Variants in ANKLE2 observed in about 807,000 individuals in gnomAD.
ANKLE2 encodes ankyrin repeat and LEM domain-containing protein 2.
Under a neutral mutation model 84.2 loss-of-function variants are expected in ANKLE2, and 55 were observed. The ratio of observed to expected loss-of-function variants is 0.65; its 90% CI spans 0.53 to 0.82. The LOEUF is 0.82. ANKLE2 is among the 40% of genes least tolerant of loss of function. The pLI is 0.00. For missense variants in ANKLE2, 1,238 were observed against 1,201.9 expected (o/e 1.03, Z -0.44); for synonymous variants, 551 against 486.1 (o/e 1.13, Z -1.76).
chr12:132,740,425 C>G (rs556205117), intron 7 of ANKLE2, among the ~76,000 whole-genome samples: 6 of 152,118 alleles, frequency 3.9e-5, no homozygotes, highest in Admixed American at 1.3e-4. Context: ...TGGGAAAGAA[C>G]CCGGACAGTG....
chr12:132,734,906 A>G (rs901659028), intron 9 of ANKLE2: 1 of 323,938 alleles, frequency 3.1e-6, no homozygotes, highest in Admixed American at 4.8e-5. Flanking sequence ...ATCACGGAAC[A>G]GCCCTGTGAA....
At chr12:132,760,510 G>C (rs2044603991) in intron 1 of ANKLE2, 1 of 152,268 alleles carries the variant, frequency 6.6e-6, no homozygotes, top group African/African-American at 2.4e-5. Flanking sequence ...ACCTGCGCTT[G>C]GGACCGACGG....
Position 132,755,421 on chromosome 12 carries a change from T to C in ANKLE2, c.182-288A>G, listed in dbSNP as rs189733711. ...TTAGCCGGGTGTGGTGGCGGATGCC[T>C]GTAATCCCAGCTACTTGGGAGGCTG... On this transcript the variant is annotated intron_variant, in intron 1 of 12. Coordinates refer to ENST00000357997, the MANE Select transcript of ANKLE2 (RefSeq NM_015114.3). 5.7e-5 allele frequency: 15 copies of C among 262,588 alleles called. No homozygotes were observed. In the East Asian group the frequency reaches 7.6e-4, roughly 13 times the overall value. The allele number at this position is 262,588 out of a possible 1,614,324, so 16.3% of individuals were successfully genotyped here.
chr12:132,743,349 A>ACTCC lies in ANKLE2; in HGVS notation c.1231-74_1231-73insGGAG. On this transcript the variant is annotated intron_variant, in intron 5 of 12. Transcript: ENST00000357997. The surrounding 1 kb of genome is among the most constrained non-coding windows in gnomAD (Gnocchi z 4.1). ...AGGTTGCTCTAAGGTGAAAATACAT[A>ACTCC]TTCATTCATTCATTCATTCATTTAT... 1 of 1,400,090 alleles carries ACTCC rather than the reference A, an allele frequency of 7.1e-7. No individual in the cohort carries two copies. Among genetic ancestry groups the ACTCC allele is most frequent in the South Asian group, 1.5e-5 (1 of 65,172 alleles). The allele number at this position is 1,400,090 out of a possible 1,614,324, so 86.7% of individuals were successfully genotyped here. A position where few individuals can be genotyped will look rare whatever the true frequency, so the allele number is the denominator to read the frequency against.
chr12:132,736,759 T>G, intron 8 of ANKLE2, 134 bp downstream of exon 8: 96 of 1,048,376 alleles, frequency 9.2e-5, no homozygotes, highest in Non-Finnish European at 1.1e-4. Context: ...GTGGATGGTT[T>G]GAGATGAGGA....
At chr12:132,757,960 G>C (rs1469356259) in intron 1 of ANKLE2, 1 of 150,724 alleles carries the variant, frequency 6.6e-6, no homozygotes, top group Non-Finnish European at 1.5e-5. Flanking sequence ...CTCCAACCTG[G>C]GCAACAGAGC....
At chr12:132,736,131 T>G (rs1038954831) in intron 8 of ANKLE2, among the ~76,000 whole-genome samples, 1 of 152,178 alleles carries the variant, frequency 6.6e-6, no homozygotes, top group Non-Finnish European at 1.5e-5. Flanking sequence ...TTTTGTATTT[T>G]TAGTAGAGAC....
chr12:132,754,406 C>G (rs969410875), intron 2 of ANKLE2, among the ~76,000 whole-genome samples: 2 of 152,330 alleles, frequency 1.3e-5, no homozygotes, highest in South Asian at 4.1e-4. Context: ...TCCTAACCAA[C>G]AGCAGCAGCC....
rs944377387 is a variant in ANKLE2 at position 132,733,983 on chromosome 12, A to G, written c.1891+402T>C. The G allele has an allele frequency of 1.2e-4, 53 of 459,164 alleles. No homozygotes were observed. The Admixed American group carries it at 1.2e-3, about 11-fold the overall frequency. The allele number at this position is 459,164 out of a possible 1,614,324, so 28.4% of individuals were successfully genotyped here. A position where few individuals can be genotyped will look rare whatever the true frequency, so the allele number is the denominator to read the frequency against. ...ATGTACCCTCCCCGACACACAACCC[A>G]TTTAACATTAACCTTCCCAGCACTC... On this transcript the variant is annotated intron_variant, in intron 10 of 12. Coordinates refer to ENST00000357997, the MANE Select transcript of ANKLE2 (RefSeq NM_015114.3).
intron 9 of ANKLE2, 137 bp downstream of exon 9, chr12:132,735,269 C>A: frequency 3.8e-6 from 3 of 791,898 alleles, no homozygotes; most frequent in Admixed American, 2.1e-5. Flanking sequence ...AGGAATTAGA[C>A]CTTCACGAAA....
At chr12:132,754,612 G>A (rs972609773) in intron 2 of ANKLE2, 63 bp downstream of exon 2, 29 of 1,462,526 alleles carry the variant, frequency 2.0e-5, no homozygotes, top group Middle Eastern at 2.5e-4. Context: ...ATTTTCAGAC[G>A]TCATCCCGCC....
intron 3 of ANKLE2, 50 bp from the exon 4 acceptor site, chr12:132,748,381 C>T (rs1365757794): frequency 1.2e-6 from 2 of 1,604,210 alleles, no homozygotes; most frequent in Non-Finnish European, 1.7e-6. Context: ...CCAAAAGTCA[C>T]TCATCACCCA....
In ANKLE2 at chr12:132,750,850, C is replaced by T. The variant is rs1566033191; in HGVS notation, c.641-1G>A. On this transcript the variant is annotated splice_acceptor_variant, in intron 2 of 12. Coordinates refer to ENST00000357997, the MANE Select transcript of ANKLE2 (RefSeq NM_015114.3). LOFTEE classifies it high-confidence loss of function. Reference sequence around the variant, plus strand: ...TTATTTTCATAAACATAGATCCTTTCTGGGTAAGAAAAGTAACAAATGAAA... The same window carrying T: ...TTATTTTCATAAACATAGATCCTTTTTGGGTAAGAAAAGTAACAAATGAAA... 6.2e-7 allele frequency: 1 copy of T among 1,613,326 alleles called. No individual in the cohort carries two copies. Among genetic ancestry groups the T allele is most frequent in the East Asian group, 2.2e-5 (1 of 44,872 alleles).
At position 132,728,021 on chromosome 12, in the gene ANKLE2, GC is replaced by G. The variant is rs755360431; in HGVS notation, c.2615+10del. On this transcript the variant is annotated intron_variant, in intron 12 of 12. Coordinates refer to ENST00000357997, the MANE Select transcript of ANKLE2 (RefSeq NM_015114.3). ...GCCCTGCGGGTGACAGGCTGTCCGG[GC>G]CCCACATACCTCTGTCTGTCCGAGG... The G allele has an allele frequency of 1.1e-5, 18 of 1,587,822 alleles. No homozygotes were observed. Among genetic ancestry groups the G allele is most frequent in the South Asian group, 1.0e-4 (9 of 87,940 alleles).
At chr12:132,751,136 A>G (rs951360661) in intron 2 of ANKLE2, 13 of 262,286 alleles carry the variant, frequency 5.0e-5, no homozygotes, top group Non-Finnish European at 8.4e-5. Flanking sequence ...AAAGATCTAA[A>G]TAAAAATTAT....
intron 9 of ANKLE2, 42 bp downstream of exon 9, chr12:132,735,364 C>T: frequency 6.4e-7 from 1 of 1,563,650 alleles, no homozygotes. Flanking sequence ...AAAATGCAAC[C>T]AACTGTGTGC....
At chr12:132,734,844 C>T (rs936633310) in intron 9 of ANKLE2, 8 of 441,158 alleles carry the variant, frequency 1.8e-5, no homozygotes, top group South Asian at 8.1e-5. Flanking sequence ...CAGACCCTCA[C>T]GCCAGCAACC....
chr12:132,744,472 G>A (rs74987482), intron 5 of ANKLE2, among the ~76,000 whole-genome samples: 8,611 of 151,962 alleles, frequency 0.057, 314 homozygotes, highest in East Asian at 0.11. Context: ...TGACACCCCC[G>A]CCTCCACTCC....
chr12:132,727,548 G>A (rs1388351267), intron 12 of ANKLE2, 105 bp from the exon 13 acceptor site: 6 of 1,298,914 alleles, frequency 4.6e-6, no homozygotes, highest in Admixed American at 2.1e-5. Context: ...GCGCCCGGGC[G>A]GAGGAGAGGC....
Sources: gnomAD v4.1 joint callset for allele counts (sites outside exome capture counted in the v4.1 genomes callset) on GRCh38, gnomAD v4.1.1 for gene constraint, Gnocchi (gnomAD v3.1) non-coding constraint, MANE v1.5 for transcripts, NCBI Gene and HGNC (gene_info 2026-07-23, HGNC 2026-07-21) for gene names.